UBE2R2: variants seen among roughly 807,000 people sequenced by gnomAD.
UBE2R2 encodes ubiquitin conjugating enzyme E2 R2.
A neutral mutation model predicts 27.8 loss-of-function variants in UBE2R2; 1 was observed. That is an observed-to-expected ratio of 0.04 (90% confidence interval 0.01 to 0.17). UBE2R2 has a LOEUF of 0.17. Among genes scored for constraint, UBE2R2 ranks in the 10% least tolerant of loss-of-function variants. UBE2R2 has a pLI of 1.00. For missense variants in UBE2R2, 100 were observed against 291.0 expected, an observed-to-expected ratio of 0.34 and a Z score of 4.78; for synonymous variants, 106 against 113.3, an observed-to-expected ratio of 0.94 and a Z score of 0.41.
At position 33,894,262 on chromosome 9, in the gene UBE2R2, A is replaced by G. The variant is rs559016578; in HGVS notation, c.265-5912A>G. Among the ~76,000 whole-genome samples the G allele has an allele frequency of 2.6e-5, 4 of 151,996 alleles. No homozygotes were observed. The South Asian group carries it at 8.3e-4, about 32-fold the overall frequency. On this transcript the variant is annotated intron_variant, in intron 2 of 4. Coordinates refer to ENST00000263228, the MANE Select transcript of UBE2R2 (RefSeq NM_017811.4). ...GCCTGGGCAACATAGCAAGATCCCC[A>G]TCTCTATATTTAAAAAAAAAGGACA...
chr9:33,851,215 C>CTATT (rs141881398), intron 1 of UBE2R2, among the ~76,000 whole-genome samples: 11,971 of 152,172 alleles, frequency 0.079, 664 homozygotes, highest in Non-Finnish European at 0.12. Context: ...ATTCAAAGAA[C>CTATT]TATTTTCCTG....
intron 2 of UBE2R2, among the ~76,000 whole-genome samples, chr9:33,897,219 G>A (rs951263365): frequency 6.7e-6 from 1 of 149,098 alleles, no homozygotes; most frequent in East Asian, 2.0e-4. Flanking sequence ...TGTATTTTTA[G>A]TAGAGACGGG....
intron 3 of UBE2R2, among the ~76,000 whole-genome samples, chr9:33,906,113 CTGT>C (rs3060468): frequency 0.07 from 10,661 of 151,242 alleles, 502 homozygotes; most frequent in Non-Finnish European, 0.1. Flanking sequence ...GTCGTTGTTG[CTGT>C]TGTTGTTGTT....
chr9:33,888,528 T>C (rs1821913141), intron 2 of UBE2R2, among the ~76,000 whole-genome samples: 1 of 152,104 alleles, frequency 6.6e-6, no homozygotes, highest in African/African-American at 2.4e-5. Context: ...TTTATTTATT[T>C]ATTTGTTATT....
At chr9:33,860,631 G>A (rs1416854259) in intron 1 of UBE2R2, among the ~76,000 whole-genome samples, 1 of 152,098 alleles carries the variant, frequency 6.6e-6, no homozygotes, top group Non-Finnish European at 1.5e-5. Flanking sequence ...CTGGCATGTT[G>A]GTTCACACCT....
At chr9:33,902,004 C>T (rs1306843814) in intron 3 of UBE2R2, among the ~76,000 whole-genome samples, 1 of 151,360 alleles carries the variant, frequency 6.6e-6, no homozygotes. Context: ...GCCTCAACCT[C>T]CCGGGCTTGA....
intron 1 of UBE2R2, among the ~76,000 whole-genome samples, chr9:33,827,898 G>C (rs1168890941): frequency 6.6e-6 from 1 of 151,722 alleles, no homozygotes. Flanking sequence ...TTGAACCCGG[G>C]AGGCGGAGGT....
intron 2 of UBE2R2, among the ~76,000 whole-genome samples, chr9:33,892,725 A>G (rs7357806): frequency 0.41 from 61,565 of 151,938 alleles, 12,805 homozygotes; most frequent in African/African-American, 0.48. Context: ...ACATTTTAAG[A>G]TATAGGGAAA....
At chr9:33,890,627 T>G (rs1457008232) in intron 2 of UBE2R2, among the ~76,000 whole-genome samples, 1 of 152,020 alleles carries the variant, frequency 6.6e-6, no homozygotes, top group East Asian at 1.9e-4. Context: ...CTGGCCAACA[T>G]GGTGGAACTC....
chr9:33,848,764 C>T (rs1820899909), intron 1 of UBE2R2, among the ~76,000 whole-genome samples: 1 of 151,856 alleles, frequency 6.6e-6, no homozygotes, highest in Non-Finnish European at 1.5e-5. Flanking sequence ...GCCACCACGC[C>T]TGGCAGATTT....
At chr9:33,887,047 C>CT in intron 2 of UBE2R2, 80 bp downstream of exon 2, 1 of 1,134,866 alleles carries the variant, frequency 8.8e-7, no homozygotes, top group Non-Finnish European at 1.3e-6. Context: ...TCTCAGCACA[C>CT]TTTGATACTT....
intron 2 of UBE2R2, among the ~76,000 whole-genome samples, chr9:33,891,840 T>C (rs1180672244): frequency 1.3e-5 from 2 of 152,006 alleles, no homozygotes; most frequent in Admixed American, 1.3e-4. Context: ...CTGGGCACAG[T>C]GGCTTATGCC....
chr9:33,910,539 A>G (rs1190653657), intron 3 of UBE2R2, among the ~76,000 whole-genome samples: 1 of 152,166 alleles, frequency 6.6e-6, no homozygotes, highest in African/African-American at 2.4e-5. Flanking sequence ...TGTAACACCC[A>G]CTAGATTTGT....
At chr9:33,840,041 C>T (rs1252427496) in intron 1 of UBE2R2, among the ~76,000 whole-genome samples, 2 of 152,052 alleles carry the variant, frequency 1.3e-5, no homozygotes, top group Non-Finnish European at 2.9e-5. Flanking sequence ...CAGTTTATGA[C>T]TTTTGGTATA....
In UBE2R2 at chr9:33,920,283, AAAG is replaced by A. The variant is rs1822785603; in HGVS notation, c.*3048_*3050del. On this transcript the variant is annotated 3_prime_UTR_variant, in exon 5 of 5. Coordinates refer to ENST00000263228, the MANE Select transcript of UBE2R2 (RefSeq NM_017811.4). ...TTTTGCTTCAGTTTAACTTATGAGA[AAAG>A]ATTATCTGACGGATTTTGTGTTGAC... 1.3e-5 allele frequency: 2 copies of A among 152,574 alleles called. No individual in the cohort carries two copies. The highest frequency in any genetic ancestry group is 4.1e-4 in the South Asian group (2 of 4,832). 9.5% of individuals were successfully genotyped at this position (152,574 alleles called of 1,614,324 possible).
intron 1 of UBE2R2, among the ~76,000 whole-genome samples, chr9:33,883,162 G>A (rs995375979): frequency 1.3e-5 from 2 of 152,116 alleles, no homozygotes; most frequent in Non-Finnish European, 1.5e-5. Context: ...TTGGTGTCAC[G>A]TGTACAAAAC....
intron 1 of UBE2R2, among the ~76,000 whole-genome samples, chr9:33,874,284 G>A (rs1587461481): frequency 6.6e-6 from 1 of 151,986 alleles, no homozygotes; most frequent in East Asian, 1.9e-4. Flanking sequence ...TTAATTGAGT[G>A]TATCATTCCA....
At chr9:33,886,149 C>T (rs1160684090) in intron 1 of UBE2R2, among the ~76,000 whole-genome samples, 1 of 152,126 alleles carries the variant, frequency 6.6e-6, no homozygotes, top group Non-Finnish European at 1.5e-5. Flanking sequence ...TCAGCAATGT[C>T]AGCATTTATT....
chr9:33,866,528 C>T (rs1290171819), intron 1 of UBE2R2, among the ~76,000 whole-genome samples: 3 of 152,142 alleles, frequency 2.0e-5, no homozygotes, highest in South Asian at 2.1e-4. Context: ...CGTGAGTCAC[C>T]GCACCCAGCC....
Sources: gnomAD v4.1 joint callset for allele counts (sites outside exome capture counted in the v4.1 genomes callset) on GRCh38, gnomAD v4.1.1 for gene constraint, MANE v1.5 for transcripts, NCBI Gene and HGNC (gene_info 2026-07-23, HGNC 2026-07-21) for gene names.